Variants in STAG2 observed in about 807,000 individuals in gnomAD.
STAG2 encodes STAG2 cohesin complex component, also known as cohesin subunit SA-2.
In STAG2, 14 loss-of-function variants were observed where a neutral mutation model predicts 108.1. That is an observed-to-expected ratio of 0.13 (90% CI 0.09 to 0.20). The LOEUF is 0.20. Among genes scored for constraint, STAG2 ranks in the 10% least tolerant of loss-of-function variants. The pLI, the probability that STAG2 is intolerant of heterozygous loss-of-function variation, is 1.00. For missense variants in STAG2, 440 were observed against 940.9 expected, an observed-to-expected ratio of 0.47 and a Z score of 6.96; for synonymous variants, 307 against 302.7, an observed-to-expected ratio of 1.01 and a Z score of -0.15.
At chrX:124,043,329 T>G (rs1328206274) in intron 7 of STAG2, among the ~76,000 whole-genome samples, 1 of 108,101 alleles carries the variant, frequency 9.3e-6, no homozygotes, top group Non-Finnish European at 1.9e-5. Flanking sequence ...TGGTGGGGGG[T>G]GGTGGGCGGT....
At chrX:124,044,474 G>A (rs1001712469) in intron 7 of STAG2, among the ~76,000 whole-genome samples, 2 of 111,403 alleles carry the variant, frequency 1.8e-5, no homozygotes, top group African/African-American at 6.5e-5. Flanking sequence ...TACATCTCTA[G>A]GATACTCTTG....
At chrX:124,055,592 C>A (rs1257116981) in intron 13 of STAG2, among the ~76,000 whole-genome samples, 1 of 111,773 alleles carries the variant, frequency 8.9e-6, no homozygotes, top group African/African-American at 3.3e-5. Context: ...ATTTTTTTCC[C>A]CAGTGATTGC....
At chrX:124,005,874 A>G (rs926196367) in intron 1 of STAG2, among the ~76,000 whole-genome samples, 8 of 111,539 alleles carry the variant, frequency 7.2e-5, no homozygotes, top group Admixed American at 1.9e-4. Flanking sequence ...GAGAGAATCT[A>G]TTCTGTCCCC....
intron 34 of STAG2, among the ~76,000 whole-genome samples, chrX:124,099,658 G>A (rs1422051784): frequency 8.9e-6 from 1 of 111,758 alleles, no homozygotes; most frequent in Non-Finnish European, 1.9e-5. Context: ...TGAGTTCTAT[G>A]ACTTTTGTTC....
intron 6 of STAG2, among the ~76,000 whole-genome samples, chrX:124,038,881 T>TA (rs2057605895): frequency 9.0e-6 from 1 of 111,668 alleles, no homozygotes; most frequent in Admixed American, 9.5e-5. Context: ...GTCATGATGT[T>TA]ACTATGGTAT....
At position 124,061,226 on chromosome X, in the gene STAG2, A is replaced by G. The variant is rs1484774600; in HGVS notation, c.1419A>G (p.Leu473=). Residue 473 remains leucine, a splice_region_variant and synonymous_variant, in exon 16 of 35, where the codon TTA becomes TTG. Coordinates refer to ENST00000371145, the MANE Select transcript of STAG2 (RefSeq NM_001042750.2). ...TLVFFFLESE[L]HEHAAYLVDS... ...ACATTGCTCTTTTTAAATTTTAGTT[A>G]CATGAGCATGCAGCATACCTTGTGG... is the stretch of plus-strand genomic sequence containing the variant. 8.4e-7 allele frequency: 1 copy of G among 1,188,110 alleles called. No homozygotes were observed. Among genetic ancestry groups the G allele is most frequent in the South Asian group, 1.9e-5 (1 of 52,629 alleles).
chrX:124,020,712 G>T (rs913415188), intron 1 of STAG2, among the ~76,000 whole-genome samples: 1 of 111,221 alleles, frequency 9.0e-6, no homozygotes. Context: ...TAAAATTTAT[G>T]TATGTATGTA....
chrX:124,038,252 T>C (rs758649226), intron 6 of STAG2, among the ~76,000 whole-genome samples: 1 of 111,457 alleles, frequency 9.0e-6, no homozygotes, highest in South Asian at 3.7e-4. Context: ...GACAAAATTA[T>C]GTAAGTTGGG....
chrX:123,987,433 T>C lies in STAG2; in HGVS notation c.-163+25577T>C, dbSNP rs1024079264. 4.5e-5 allele frequency among the ~76,000 whole-genome samples: 5 copies of C among 110,121 alleles called. No homozygotes were observed. The Admixed American group carries it at 4.9e-4, about 11-fold the overall frequency. ...CCGGCTAATTTTGTATTTTTAGTAG[T>C]GACGGGGTTTTGCCTTGTTGGCCAG... On this transcript the variant is annotated intron_variant, in intron 1 of 34. Transcript: ENST00000371145.
At chrX:124,069,868 T>C (rs894539222) in intron 24 of STAG2, among the ~76,000 whole-genome samples, 12 of 111,991 alleles carry the variant, frequency 1.1e-4, no homozygotes, top group African/African-American at 3.6e-4. Context: ...TGGTAGTAAA[T>C]TGAATTTAGA....
intron 1 of STAG2, among the ~76,000 whole-genome samples, chrX:123,973,201 A>T (rs1387908997): frequency 9.0e-6 from 1 of 111,341 alleles, no homozygotes; most frequent in Non-Finnish European, 1.9e-5. Context: ...CATGCATTTC[A>T]TCAGTTTCTC....
chrX:123,964,537 C>T (rs1464424690), intron 1 of STAG2, among the ~76,000 whole-genome samples: 1 of 111,032 alleles, frequency 9.0e-6, no homozygotes, highest in Non-Finnish European at 1.9e-5. Flanking sequence ...ATTGAGGTAC[C>T]ATAGGGAGCA....
chrX:124,066,845 A>G (rs749606647), intron 23 of STAG2, among the ~76,000 whole-genome samples: 6 of 112,157 alleles, frequency 5.3e-5, no homozygotes, highest in East Asian at 2.8e-4. Context: ...TTCATGATCA[A>G]TCATTTTCTG....
At chrX:124,031,275 G>A (rs2148063803) in intron 5 of STAG2, 150 bp downstream of exon 5, 1 of 514,494 alleles carries the variant, frequency 1.9e-6, no homozygotes, top group Non-Finnish European at 2.8e-6. Flanking sequence ...CTCTTGGGAT[G>A]TATTTCTTCA....
intron 24 of STAG2, among the ~76,000 whole-genome samples, chrX:124,070,244 A>G (rs1315552355): frequency 2.7e-5 from 3 of 111,737 alleles, no homozygotes; most frequent in African/African-American, 9.7e-5. Context: ...AAATATGCTA[A>G]TAGGTATAAA....
intron 1 of STAG2, among the ~76,000 whole-genome samples, chrX:123,962,805 A>G (rs1602594309): frequency 9.0e-6 from 1 of 110,764 alleles, no homozygotes; most frequent in South Asian, 3.9e-4. Context: ...TCCCACCATA[A>G]AGCCCCATCT....
At chrX:123,986,183 GAT>G (rs2055181933) in intron 1 of STAG2, among the ~76,000 whole-genome samples, 1 of 105,641 alleles carries the variant, frequency 9.5e-6, no homozygotes, top group African/African-American at 3.4e-5. Flanking sequence ...ATACATATAT[GAT>G]ATATAATATA....
At chrX:123,962,297 A>AT (rs1162519572) in intron 1 of STAG2, among the ~76,000 whole-genome samples, 1 of 110,469 alleles carries the variant, frequency 9.1e-6, no homozygotes, top group Non-Finnish European at 1.9e-5. Context: ...CCCCGTTCCC[A>AT]TTTTCTTTTG....
At chrX:124,090,539 T>A (rs774023967) in intron 30 of STAG2, 36 bp from the exon 31 acceptor site, 1 of 1,139,180 alleles carries the variant, frequency 8.8e-7, no homozygotes. Flanking sequence ...TAGTCAAAAT[T>A]AGTGACTAAA....
Sources: allele counts gnomAD v4.1 joint callset (sites outside exome capture counted in the v4.1 genomes callset), GRCh38; gene constraint gnomAD v4.1.1; transcripts MANE v1.5; gene names NCBI Gene and HGNC (gene_info 2026-07-23, HGNC 2026-07-21).